CSMD1: variants seen among roughly 807,000 people sequenced by gnomAD.
The protein encoded by CSMD1 is CUB and Sushi multiple domains 1.
Under a neutral mutation model 417.5 loss-of-function variants are expected in CSMD1, and 213 were observed. The observed-to-expected ratio is 0.51, with a 90% CI of 0.46 to 0.57. The LOEUF (loss-of-function observed/expected upper bound fraction) is 0.57, where lower values mean the gene tolerates loss of function less well. CSMD1 is among the 20% of genes least tolerant of loss of function. CSMD1 has a pLI of 0.00. For synonymous variants in CSMD1, 2,862 were observed against 1,736.8 expected, an observed-to-expected ratio of 1.65 and a Z score of -16.11; for missense variants, 6,923 against 4,529.7, an observed-to-expected ratio of 1.53 and a Z score of -15.17.
chr8:4,490,487 A>G lies in CSMD1; in HGVS notation c.303-70422T>C, dbSNP rs181912984. On this transcript the variant is annotated intron_variant, in intron 2 of 69. Transcript: ENST00000635120. ...CTGATTAATTACTTTAACAATTTAA[A>G]TTACATATTTATTCATCACATTTTT... Among the ~76,000 whole-genome samples the G allele has an allele frequency of 1.4e-3, 213 of 152,334 alleles. 3 individuals are homozygous for G. The highest frequency in any genetic ancestry group is 4.9e-3 in the African/African-American group (204 of 41,570).
intron 8 of CSMD1, among the ~76,000 whole-genome samples, chr8:3,588,348 A>G (rs1349484219): frequency 3.3e-5 from 5 of 152,196 alleles, no homozygotes; most frequent in African/African-American, 4.8e-5. Flanking sequence ...AAGCACCATG[A>G]AGAAAATAAA....
At chr8:3,329,878 G>C (rs1176200597) in intron 23 of CSMD1, among the ~76,000 whole-genome samples, 1 of 152,216 alleles carries the variant, frequency 6.6e-6, no homozygotes, top group Non-Finnish European at 1.5e-5. Flanking sequence ...TCTCTTTAGA[G>C]GCTCATGGAA....
rs1798740367 is a variant in CSMD1 at position 3,230,043 on chromosome 8, T to G, written c.4342A>C (p.Ile1448Leu). 1.3e-6 allele frequency: 2 copies of G among 1,588,060 alleles called. No homozygotes were observed. Among genetic ancestry groups the G allele is most frequent in the Admixed American group, 1.8e-5 (1 of 55,822 alleles). ...FFWQPDPPTCIAACGGNLTGP... is the reference protein window; with the variant it reads ...FFWQPDPPTCLAACGGNLTGP... ...TCTAAGTTCTGTTGTCTGATACCTA[T>G]GCATGTAGGAGGGTCTGGTTGCCAA... is the stretch of plus-strand genomic sequence containing the variant. The change falls in exon 27 of 70, where the codon ATA becomes CTA. Residue 1448 changes from isoleucine (I) to leucine (L), a missense_variant. Ile to Leu is a conservative substitution (Grantham distance 5). Coordinates refer to ENST00000635120, the MANE Select transcript of CSMD1 (RefSeq NM_033225.6).
chr8:4,455,700 G>C (rs1486947163), intron 2 of CSMD1, among the ~76,000 whole-genome samples: 1 of 151,732 alleles, frequency 6.6e-6, no homozygotes, highest in Admixed American at 6.6e-5. Context: ...GGAGGCCGAA[G>C]CGGGTCGATC....
intron 3 of CSMD1, among the ~76,000 whole-genome samples, chr8:4,260,441 C>G (rs1309891290): frequency 6.6e-6 from 1 of 152,000 alleles, no homozygotes; most frequent in Non-Finnish European, 1.5e-5. Context: ...ATGTACTTTA[C>G]TGAGTGTGGG....
At chr8:3,423,615 C>G (rs1441569955) in intron 12 of CSMD1, among the ~76,000 whole-genome samples, 1 of 152,128 alleles carries the variant, frequency 6.6e-6, no homozygotes, top group Non-Finnish European at 1.5e-5. Context: ...GCTTTGGCAC[C>G]ATTTGTCTAT....
chr8:4,502,685 C>G (rs1343478148), intron 2 of CSMD1, among the ~76,000 whole-genome samples: 2 of 152,040 alleles, frequency 1.3e-5, no homozygotes, highest in African/African-American at 4.8e-5. Flanking sequence ...GTTTTCTTTT[C>G]TCTTTGACTT....
chr8:3,520,208 C>T (rs1797450253), intron 10 of CSMD1, among the ~76,000 whole-genome samples: 2 of 151,862 alleles, frequency 1.3e-5, no homozygotes, highest in African/African-American at 4.8e-5. Context: ...TTTAAAAGTA[C>T]TTCATAACTA....
intron 12 of CSMD1, among the ~76,000 whole-genome samples, chr8:3,411,938 A>G (rs1480801852): frequency 8.4e-6 from 1 of 119,532 alleles, no homozygotes; most frequent in Non-Finnish European, 1.8e-5. Flanking sequence ...ATACACGTAT[A>G]TATGCACGTA....
intron 3 of CSMD1, among the ~76,000 whole-genome samples, chr8:4,343,173 C>G (rs1200400036): frequency 6.6e-6 from 1 of 152,004 alleles, no homozygotes; most frequent in Non-Finnish European, 1.5e-5. Context: ...TGGTAAAATA[C>G]AAGGAGTGCT....
At chr8:4,265,361 G>GTTACATAATAATATATAATA (rs1192477885) in intron 3 of CSMD1, among the ~76,000 whole-genome samples, 11 of 110,738 alleles carry the variant, frequency 9.9e-5, no homozygotes, top group Admixed American at 1.7e-4. Context: ...TCTCTGCACA[G>GTTACATAATAATATATAATA]TATCATTTGA....
At chr8:3,858,106 A>G (rs1297229935) in intron 5 of CSMD1, among the ~76,000 whole-genome samples, 2 of 152,224 alleles carry the variant, frequency 1.3e-5, no homozygotes, top group East Asian at 3.9e-4. Flanking sequence ...TTTTAATAAC[A>G]TAGTCAAATC....
intron 5 of CSMD1, among the ~76,000 whole-genome samples, chr8:3,990,606 T>C (rs1814669756): frequency 6.6e-6 from 1 of 152,202 alleles, no homozygotes; most frequent in South Asian, 2.1e-4. Flanking sequence ...TGAAATAGTT[T>C]TTTAACTTTA....
rs74807343 is a variant in CSMD1 at position 3,894,145 on chromosome 8, C to G, written c.818+103758G>C. Among the ~76,000 whole-genome samples, 6 of 152,256 alleles carry G rather than the reference C, an allele frequency of 3.9e-5. No individual in the cohort carries two copies. The East Asian group carries it at 1.2e-3, about 29-fold the overall frequency. On this transcript the variant is annotated intron_variant, in intron 5 of 69. Coordinates refer to ENST00000635120, the MANE Select transcript of CSMD1 (RefSeq NM_033225.6). ...ACTTAAAAATATTCTTTTTCCTTTG[C>G]AAAAACTACTCTATGCTACACTTCT...
At chr8:3,374,861 C>G (rs76290436) in intron 18 of CSMD1, among the ~76,000 whole-genome samples, 8 of 152,118 alleles carry the variant, frequency 5.3e-5, no homozygotes, top group Non-Finnish European at 8.8e-5. Context: ...CCAGACCCTG[C>G]CAAAGTCTTC....
In CSMD1 at chr8:3,586,379, C is replaced by T. The variant is rs577529792; in HGVS notation, c.1098-119G>A. 5.5e-6 allele frequency: 5 copies of T among 912,860 alleles called. No individual in the cohort carries two copies. The African/African-American group carries it at 8.5e-5, about 16-fold the overall frequency. The allele number at this position is 912,860 out of a possible 1,614,324, so 56.5% of individuals were successfully genotyped here. ...CTTGTTCAGTTAAAACAGCCTAAGACATTAAGCAACTCATTAGGTAGTATG... is the reference window on the plus strand; with the variant it reads ...CTTGTTCAGTTAAAACAGCCTAAGATATTAAGCAACTCATTAGGTAGTATG... On this transcript the variant is annotated intron_variant, in intron 8 of 69. Transcript: ENST00000635120.
chr8:3,852,995 C>T (rs1804021014), intron 5 of CSMD1, among the ~76,000 whole-genome samples: 1 of 152,144 alleles, frequency 6.6e-6, no homozygotes, highest in African/African-American at 2.4e-5. Context: ...GTGTTCTTGA[C>T]TTGACATCAC....
intron 8 of CSMD1, among the ~76,000 whole-genome samples, chr8:3,588,477 C>A (rs1394627589): frequency 1.3e-5 from 2 of 152,014 alleles, no homozygotes; most frequent in Non-Finnish European, 2.9e-5. Context: ...GGAGTTCAAA[C>A]AGAAAGGGAG....
At chr8:3,566,745 T>C (rs111741322) in intron 10 of CSMD1, among the ~76,000 whole-genome samples, 35,654 of 152,016 alleles carry the variant, frequency 0.23, 4,466 homozygotes, top group Non-Finnish European at 0.28. Flanking sequence ...CTCACACCAG[T>C]TGGAATGGCT....
Sources: gnomAD v4.1 joint callset for allele counts (sites outside exome capture counted in the v4.1 genomes callset) on GRCh38, gnomAD v4.1.1 for gene constraint, MANE v1.5 for transcripts, NCBI Gene and HGNC (gene_info 2026-07-23, HGNC 2026-07-21) for gene names.